Variants in PDE1C observed in about 807,000 individuals in gnomAD.
The protein encoded by PDE1C is phosphodiesterase 1C.
Under a neutral mutation model 93.1 loss-of-function variants are expected in PDE1C, and 62 were observed. The observed-to-expected ratio is 0.67, with a 90% CI of 0.54 to 0.82. The LOEUF is 0.82. PDE1C is among the 40% of genes least tolerant of loss of function. PDE1C has a pLI of 0.00. For synonymous variants in PDE1C, 325 were observed against 310.1 expected (o/e 1.05, Z -0.50); for missense variants, 742 against 884.6 (o/e 0.84, Z 2.04).
At chr7:32,381,436 C>T (rs1562699229) in intron 1 of PDE1C, among the ~76,000 whole-genome samples, 1 of 152,118 alleles carries the variant, frequency 6.6e-6, no homozygotes, top group Non-Finnish European at 1.5e-5. Flanking sequence ...ATCCAATATC[C>T]TTATCGTGAC....
At chr7:31,932,538 T>C (rs1804462765) in intron 2 of PDE1C, among the ~76,000 whole-genome samples, 1 of 152,142 alleles carries the variant, frequency 6.6e-6, no homozygotes, top group South Asian at 2.1e-4. Context: ...CCAGTTAGAA[T>C]GGTGATCATT....
chr7:32,086,836 C>T (rs1438071329), intron 3 of PDE1C, among the ~76,000 whole-genome samples: 1 of 152,066 alleles, frequency 6.6e-6, no homozygotes, highest in African/African-American at 2.4e-5. Flanking sequence ...TTCCTTGCAC[C>T]TTATACAAAA....
chr7:32,262,005 ATTT>A lies in PDE1C; in HGVS notation c.85+36643_85+36645del, dbSNP rs11325736. ...GGCTCACACCAGGGGTTGCTTTGGG[ATTT>A]TTTTTTTTTTTTTTTTTTTTTTTAA... On this transcript the variant is annotated intron_variant, in intron 1 of 18. Transcript: ENST00000396193. Among the ~76,000 whole-genome samples the A allele has an allele frequency of 1.0e-3, 90 of 89,742 alleles. 1 individual carries two copies. Among genetic ancestry groups the A allele is most frequent in the Middle Eastern group, 6.3e-3 (1 of 158 alleles). The allele number at this position is 89,742 out of a possible 152,430, so 58.9% of individuals were successfully genotyped here.
chr7:31,958,670 C>T (rs369926238), intron 2 of PDE1C, among the ~76,000 whole-genome samples: 1 of 152,024 alleles, frequency 6.6e-6, no homozygotes, highest in Admixed American at 6.6e-5. Flanking sequence ...TATCATAGTG[C>T]ACCCAGACAC....
At chr7:31,647,266 G>A in the PDE1C span, among the ~76,000 whole-genome samples, 4 of 152,324 alleles carry the variant, frequency 2.6e-5, no homozygotes, top group East Asian at 7.7e-4. Context: ...TAAATTAGAT[G>A]CCAAGTGCTA....
the PDE1C span, among the ~76,000 whole-genome samples, chr7:31,716,544 C>T: frequency 1.3e-5 from 2 of 152,090 alleles, no homozygotes; most frequent in African/African-American, 4.8e-5. Flanking sequence ...CTCTTCAGTC[C>T]ATAAATTATT....
the PDE1C span, among the ~76,000 whole-genome samples, chr7:31,704,762 G>A: frequency 6.6e-6 from 1 of 152,176 alleles, no homozygotes; most frequent in Non-Finnish European, 1.5e-5. Flanking sequence ...TAGGTTAAGT[G>A]AGTGCTCAAG....
At chr7:32,191,724 G>A (rs1804245023) in intron 2 of PDE1C, among the ~76,000 whole-genome samples, 1 of 152,154 alleles carries the variant, frequency 6.6e-6, no homozygotes, top group South Asian at 2.1e-4. Context: ...ATTTTTCTGG[G>A]ATAAATGCCC....
Position 32,341,262 on chromosome 7 carries a change from G to A in PDE1C, c.310+86560C>T, listed in dbSNP as rs377139251. Among the ~76,000 whole-genome samples, 26 of 126,452 alleles carry A rather than the reference G, an allele frequency of 2.1e-4. No homozygotes were observed. In the East Asian group the frequency reaches 5.7e-3, roughly 28 times the overall value. 83.0% of individuals were successfully genotyped at this position (126,452 alleles called of 152,430 possible). Reference sequence around the variant, plus strand: ...GCGATCTCGGCTCACTGCAAGCTCCGCCTCCCGGGTTCACGCCATTCTCCT... The same window carrying A: ...GCGATCTCGGCTCACTGCAAGCTCCACCTCCCGGGTTCACGCCATTCTCCT... On this transcript the variant is annotated intron_variant, in intron 1 of 1. Coordinates refer to the PDE1C transcript ENST00000672256.
At chr7:32,350,121 C>G (rs1480243013) in intron 1 of PDE1C, among the ~76,000 whole-genome samples, 1 of 151,716 alleles carries the variant, frequency 6.6e-6, no homozygotes, top group Non-Finnish European at 1.5e-5. Context: ...CTTTTTCTTC[C>G]TTCTTCTTTT....
intron 1 of PDE1C, among the ~76,000 whole-genome samples, chr7:32,223,888 C>T (rs769017543): frequency 9.9e-5 from 15 of 152,188 alleles, no homozygotes; most frequent in African/African-American, 2.2e-4. Context: ...GCAGAGTCCA[C>T]GCCCGGATGA....
At chr7:32,280,449 G>A (rs898015294) in intron 1 of PDE1C, among the ~76,000 whole-genome samples, 8 of 151,964 alleles carry the variant, frequency 5.3e-5, no homozygotes, top group South Asian at 2.1e-4. Context: ...CTAAATAATT[G>A]TATTAATGTA....
At position 32,130,492 on chromosome 7, in the gene PDE1C, A is replaced by T. The variant is rs574016779; in HGVS notation, c.308+39293T>A. Among the ~76,000 whole-genome samples, 3 of 152,154 alleles carry T rather than the reference A, an allele frequency of 2.0e-5. No homozygotes were observed. In the East Asian group the frequency reaches 5.8e-4, roughly 29 times the overall value. On this transcript the variant is annotated intron_variant, in intron 3 of 18. Coordinates refer to the PDE1C transcript ENST00000396193. Reference sequence around the variant, plus strand: ...ACCTCACTCTCCTAAGAGCTAGGATACTCAGGTACTACTGTCCTAGTATGA... The same window carrying T: ...ACCTCACTCTCCTAAGAGCTAGGATTCTCAGGTACTACTGTCCTAGTATGA...
At chr7:32,004,301 T>C (rs1320018246) in intron 2 of PDE1C, among the ~76,000 whole-genome samples, 1 of 152,122 alleles carries the variant, frequency 6.6e-6, no homozygotes, top group Non-Finnish European at 1.5e-5. Flanking sequence ...CCTCTCGTGA[T>C]CTTATTAAAA....
chr7:31,887,800 C>T (rs1445064576), intron 2 of PDE1C, among the ~76,000 whole-genome samples: 1 of 151,812 alleles, frequency 6.6e-6, no homozygotes, highest in Non-Finnish European at 1.5e-5. Context: ...GAACCCAAAA[C>T]AAAAAATGGC....
intron 1 of PDE1C, among the ~76,000 whole-genome samples, chr7:32,398,152 CAA>C (rs1342634755): frequency 8.7e-6 from 1 of 114,314 alleles, no homozygotes. Context: ...GACTCCGTCT[CAA>C]AAAAAAAAAT....
At chr7:31,723,668 C>T in the PDE1C span, among the ~76,000 whole-genome samples, 1 of 152,214 alleles carries the variant, frequency 6.6e-6, no homozygotes, top group Admixed American at 6.5e-5. Context: ...CCTAAGCCTT[C>T]ACACTTCCCC....
intron 2 of PDE1C, among the ~76,000 whole-genome samples, chr7:31,889,604 C>G (rs1243187702): frequency 6.6e-6 from 1 of 152,144 alleles, no homozygotes; most frequent in Non-Finnish European, 1.5e-5. Flanking sequence ...GCTCAGTCTC[C>G]TCCTTGTTCT....
chr7:32,076,041 C>T (rs1796332684), upstream of PDE1C, among the ~76,000 whole-genome samples: 1 of 152,140 alleles, frequency 6.6e-6, no homozygotes, highest in African/African-American at 2.4e-5. Flanking sequence ...CCTGGGCTAA[C>T]CAAGCTTTTC....
Sources: gnomAD v4.1 joint callset for allele counts (sites outside exome capture counted in the v4.1 genomes callset) on GRCh38, gnomAD v4.1.1 for gene constraint, MANE v1.5 for transcripts, NCBI Gene and HGNC (gene_info 2026-07-23, HGNC 2026-07-21) for gene names.